RSBN1: variants seen among roughly 807,000 people sequenced by gnomAD.
RSBN1 encodes the protein round spermatid basic protein 1, also known as lysine-specific demethylase 9.
RSBN1 carries 23 observed loss-of-function variants against 74.8 expected under a neutral mutation model. That is an observed-to-expected ratio of 0.31 (90% CI 0.22 to 0.44). The LOEUF (loss-of-function observed/expected upper bound fraction) is 0.44. RSBN1 is among the 20% of genes least tolerant of loss of function. The probability of loss-of-function intolerance (pLI) is 1.00; values close to 1 mark genes in which losing one functional copy is unlikely to be tolerated. For synonymous variants in RSBN1, 407 were observed against 379.6 expected (o/e 1.07, Z -0.84); for missense variants, 808 against 1,020.9 (o/e 0.79, Z 2.84).
intron 4 of RSBN1, among the ~76,000 whole-genome samples, chr1:113,773,556 T>A (rs1659921506): frequency 6.6e-6 from 1 of 152,106 alleles, no homozygotes; most frequent in Non-Finnish European, 1.5e-5. Flanking sequence ...AAATGGGACA[T>A]TTTTATCCAA....
chr1:113,769,942 A>G (rs578146958), intron 4 of RSBN1, among the ~76,000 whole-genome samples: 28 of 152,322 alleles, frequency 1.8e-4, no homozygotes, highest in African/African-American at 6.5e-4. Context: ...GGAGTAGACT[A>G]TGGCTACCCA....
chr1:113,804,638 C>T (rs968304306), intron 1 of RSBN1, among the ~76,000 whole-genome samples: 1 of 152,134 alleles, frequency 6.6e-6, no homozygotes, highest in African/African-American at 2.4e-5. Flanking sequence ...TACTTAGTGC[C>T]ATTTCAAAAG....
intron 2 of RSBN1, among the ~76,000 whole-genome samples, chr1:113,793,001 A>G (rs1370309927): frequency 1.3e-5 from 2 of 152,244 alleles, no homozygotes; most frequent in Non-Finnish European, 2.9e-5. Context: ...AGAAAACCCT[A>G]TATGTGGATC....
At chr1:113,774,599 C>T (rs959032196) in intron 4 of RSBN1, among the ~76,000 whole-genome samples, 5 of 151,984 alleles carry the variant, frequency 3.3e-5, no homozygotes, top group African/African-American at 1.2e-4. Flanking sequence ...ATGGTGTGAA[C>T]CCGGGAGGAG....
At chr1:113,811,639 G>T (rs557573338) in intron 1 of RSBN1, 71 bp downstream of exon 1, 4 of 1,512,202 alleles carry the variant, frequency 2.6e-6, no homozygotes, top group South Asian at 1.3e-5. Context: ...GCGTCTTTCA[G>T]TCCTAAAGAT....
chr1:113,771,468 A>G (rs1422512612), intron 4 of RSBN1, among the ~76,000 whole-genome samples: 3 of 152,020 alleles, frequency 2.0e-5, no homozygotes, highest in African/African-American at 7.2e-5. Flanking sequence ...TAAGCCTTCT[A>G]TAGGCAGAAC....
chr1:113,777,405 G>A, intron 3 of RSBN1, 53 bp from the exon 4 acceptor site: 1 of 1,541,878 alleles, frequency 6.5e-7, no homozygotes, highest in Non-Finnish European at 8.8e-7. Flanking sequence ...TGATTTATAA[G>A]TTAATCCTCC....
intron 2 of RSBN1, among the ~76,000 whole-genome samples, chr1:113,778,233 T>C (rs1660067076): frequency 6.6e-6 from 1 of 151,948 alleles, no homozygotes; most frequent in Non-Finnish European, 1.5e-5. Context: ...TTCAAAGTCT[T>C]CACTTTAGCC....
rs1354354993 is a variant in RSBN1, at chr1:113,811,762, C to G, written c.651G>C (p.Gln217His). 6.2e-7 allele frequency: 1 copy of G among 1,613,300 alleles called. No individual in the cohort carries two copies. The highest frequency in any genetic ancestry group is 1.7e-5 in the Admixed American group (1 of 59,940). The change falls in exon 1 of 7, where the codon CAG becomes CAC. Residue 217 changes from glutamine (Q) to histidine (H), a missense_variant. Physicochemically the swap from Gln to His is conservative, Grantham distance 24 (BLOSUM62 0). Coordinates refer to ENST00000261441, the MANE Select transcript of RSBN1 (RefSeq NM_018364.5). ...CGTDLKHKDK[Q>H]ENGERTGGVP... Reference sequence around the variant, plus strand: ...CCCCTCCAGTCCTCTCGCCGTTTTCCTGCTTGTCCTTGTGCTTGAGATCGG... The same window carrying G: ...CCCCTCCAGTCCTCTCGCCGTTTTCGTGCTTGTCCTTGTGCTTGAGATCGG...
intron 1 of RSBN1, among the ~76,000 whole-genome samples, chr1:113,810,345 C>A (rs961266381): frequency 1.3e-5 from 2 of 151,208 alleles, no homozygotes; most frequent in African/African-American, 2.4e-5. Flanking sequence ...CAAATTTAAG[C>A]CAGAGGATCA....
intron 4 of RSBN1, among the ~76,000 whole-genome samples, chr1:113,770,537 T>G (rs1319888017): frequency 6.6e-6 from 1 of 152,172 alleles, no homozygotes; most frequent in African/African-American, 2.4e-5. Flanking sequence ...GCACATTCTC[T>G]AAACACATGG....
chr1:113,767,344 A>T (rs1235734204), intron 5 of RSBN1, 137 bp from the exon 6 acceptor site: 2 of 429,782 alleles, frequency 4.7e-6, no homozygotes, highest in East Asian at 7.1e-5. Flanking sequence ...TAGGTATACA[A>T]TTTTTTTTTA....
chr1:113,795,906 G>A (rs1660461835), intron 2 of RSBN1, among the ~76,000 whole-genome samples: 1 of 152,072 alleles, frequency 6.6e-6, no homozygotes, highest in Non-Finnish European at 1.5e-5. Flanking sequence ...CAAATTTCTG[G>A]CTTATTTCTC....
At chr1:113,794,810 C>A (rs940636704) in intron 2 of RSBN1, among the ~76,000 whole-genome samples, 1 of 152,174 alleles carries the variant, frequency 6.6e-6, no homozygotes, top group African/African-American at 2.4e-5. Flanking sequence ...CTAGACTGAG[C>A]TCATCAATTA....
intron 4 of RSBN1, among the ~76,000 whole-genome samples, chr1:113,776,962 G>A (rs1205060799): frequency 6.6e-6 from 1 of 152,108 alleles, no homozygotes; most frequent in African/African-American, 2.4e-5. Flanking sequence ...ACCACACTAA[G>A]GGGTTTGATC....
chr1:113,786,137 G>A (rs2101806423), intron 2 of RSBN1, among the ~76,000 whole-genome samples: 1 of 152,274 alleles, frequency 6.6e-6, no homozygotes, highest in East Asian at 1.9e-4. Flanking sequence ...TTATACAGGA[G>A]ATAAAATTGT....
chr1:113,778,424 A>G lies in RSBN1; in HGVS notation c.1378-616T>C, dbSNP rs143963282. ...GCAATTCTCCTCCCTCAGCCTCCCAAGTAGCTGGAATTACAGGTGTGCGCC... is the reference window on the plus strand; with the variant it reads ...GCAATTCTCCTCCCTCAGCCTCCCAGGTAGCTGGAATTACAGGTGTGCGCC... On this transcript the variant is annotated intron_variant, in intron 2 of 6. Coordinates refer to ENST00000261441, the MANE Select transcript of RSBN1 (RefSeq NM_018364.5). Among the ~76,000 whole-genome samples the G allele has an allele frequency of 7.0e-4, 107 of 151,978 alleles. 1 individual carries two copies. Among genetic ancestry groups the G allele is most frequent in the East Asian group, 1.2e-3 (6 of 5,170 alleles).
chr1:113,804,926 G>T (rs891550516), intron 1 of RSBN1, among the ~76,000 whole-genome samples: 2 of 129,458 alleles, frequency 1.5e-5, no homozygotes, highest in African/African-American at 3.0e-5. Flanking sequence ...AAAAAAAAAT[G>T]AGATAAGAAA....
In RSBN1 at chr1:113,793,155, C is replaced by T. The variant is rs986690034; in HGVS notation, c.1377+4208G>A. Among the ~76,000 whole-genome samples the T allele has an allele frequency of 3.3e-5, 5 of 152,196 alleles. No individual in the cohort carries two copies. The East Asian group carries it at 9.6e-4, about 29-fold the overall frequency. On this transcript the variant is annotated intron_variant, in intron 2 of 6. Transcript: ENST00000261441. ...CAAAGTTTAATGTGCATATGAATCA[C>T]CTTTTAAAAATGCAGATTCTGATTC...
Sources: allele counts gnomAD v4.1 joint callset (sites outside exome capture counted in the v4.1 genomes callset), GRCh38; gene constraint gnomAD v4.1.1; transcripts MANE v1.5; gene names NCBI Gene and HGNC (gene_info 2026-07-23, HGNC 2026-07-21).